MGAT5: variants seen among roughly 807,000 people sequenced by gnomAD.
MGAT5 encodes the protein alpha-1,6-mannosylglycoprotein 6-beta-N-acetylglucosaminyltransferase A.
Under a neutral mutation model 94.3 loss-of-function variants are expected in MGAT5, and 30 were observed. That is an observed-to-expected ratio of 0.32 (90% CI 0.24 to 0.43). MGAT5 has a LOEUF of 0.43. MGAT5 is among the 20% of genes least tolerant of loss of function. The probability of loss-of-function intolerance (pLI) is 1.00; values close to 1 mark genes in which losing one functional copy is unlikely to be tolerated. For synonymous variants in MGAT5, 310 were observed against 322.9 expected (o/e 0.96, Z 0.43); for missense variants, 691 against 905.5 (o/e 0.76, Z 3.04).
At chr2:134,275,197 A>G (rs1161349599) in intron 2 of MGAT5, among the ~76,000 whole-genome samples, 2 of 152,228 alleles carry the variant, frequency 1.3e-5, no homozygotes, top group Non-Finnish European at 2.9e-5. Flanking sequence ...CCCAGATGCT[A>G]CTGAGAGACG....
chr2:134,333,084 G>T (rs1382033230), intron 4 of MGAT5, among the ~76,000 whole-genome samples: 2 of 152,138 alleles, frequency 1.3e-5, no homozygotes, highest in East Asian at 3.9e-4. Context: ...CCCATTACTG[G>T]GTATATAACC....
intron 1 of MGAT5, among the ~76,000 whole-genome samples, chr2:134,262,541 G>A (rs557089101): frequency 6.6e-6 from 1 of 151,126 alleles, no homozygotes; most frequent in Non-Finnish European, 1.5e-5. Flanking sequence ...ACCACACTAG[G>A]CTAATTTAAA....
chr2:134,179,794 G>A (rs1353461774), intron 1 of MGAT5, among the ~76,000 whole-genome samples: 2 of 152,172 alleles, frequency 1.3e-5, no homozygotes, highest in East Asian at 1.9e-4. Flanking sequence ...GAGACCTGCC[G>A]GGCTGCATTT....
chr2:134,291,166 T>C (rs1181449799), intron 2 of MGAT5, among the ~76,000 whole-genome samples: 1 of 152,176 alleles, frequency 6.6e-6, no homozygotes, highest in East Asian at 1.9e-4. Flanking sequence ...TAAATGTTTG[T>C]GTCCTCTCCA....
intron 10 of MGAT5, among the ~76,000 whole-genome samples, chr2:134,393,878 A>G (rs1489289524): frequency 1.7e-5 from 2 of 114,290 alleles, no homozygotes; most frequent in African/African-American, 7.0e-5. Context: ...GCTGCTTTGG[A>G]AGGATCCAGG....
At chr2:134,135,072 A>T (rs1686344022) in intron 1 of MGAT5, among the ~76,000 whole-genome samples, 1 of 152,208 alleles carries the variant, frequency 6.6e-6, no homozygotes, top group Non-Finnish European at 1.5e-5. Context: ...AAGGCATCTA[A>T]TGGCTCCATT....
intron 1 of MGAT5, among the ~76,000 whole-genome samples, chr2:134,158,022 C>T (rs1461216775): frequency 2.0e-5 from 3 of 152,220 alleles, no homozygotes; most frequent in African/African-American, 7.2e-5. Flanking sequence ...CTGGCCGAGT[C>T]TGGCTGAGTC....
chr2:134,153,724 C>T (rs1687338814), intron 1 of MGAT5, among the ~76,000 whole-genome samples: 1 of 152,070 alleles, frequency 6.6e-6, no homozygotes, highest in South Asian at 2.1e-4. Flanking sequence ...GTGATTAAGC[C>T]ACTCACTCAG....
chr2:134,257,836 C>CCTTTTTTTTTTTTTTTTT lies in MGAT5; in HGVS notation c.241+3192_241+3193insCTTTTTTTTTTTTTTTTT, dbSNP rs781189819. ...TGCATAGGCCATTAGTTTGCAGTCTCTTTTTTTTTTTTTTTTTTTGCCATA... is the reference window on the plus strand; with the variant it reads ...TGCATAGGCCATTAGTTTGCAGTCTCCTTTTTTTTTTTTTTTTTTTTTTTTTTTTTTTTTTTTGCCATA... On this transcript the variant is annotated intron_variant, in intron 1 of 15. Transcript: ENST00000281923. Among the ~76,000 whole-genome samples the CCTTTTTTTTTTTTTTTTT allele has an allele frequency of 5.6e-5, 6 of 106,414 alleles. 3 individuals are homozygous for CCTTTTTTTTTTTTTTTTT. The highest frequency in any genetic ancestry group is 7.4e-5 in the Non-Finnish European group (4 of 54,240). 69.8% of individuals were successfully genotyped at this position (106,414 alleles called of 152,430 possible). A position where few individuals can be genotyped will look rare whatever the true frequency, so the allele number is the denominator to read the frequency against.
intron 2 of MGAT5, among the ~76,000 whole-genome samples, chr2:134,306,037 T>C (rs1037370561): frequency 1.3e-5 from 2 of 152,184 alleles, no homozygotes; most frequent in African/African-American, 2.4e-5. Context: ...AACTTTTTTT[T>C]CTGGGAATAT....
chr2:134,193,203 G>A (rs1679316309), intron 1 of MGAT5, among the ~76,000 whole-genome samples: 1 of 150,770 alleles, frequency 6.6e-6, no homozygotes, highest in Non-Finnish European at 1.5e-5. Flanking sequence ...ACTCACTGCA[G>A]CCTTGAATTC....
At chr2:134,441,708 C>A (rs546915924) in intron 14 of MGAT5, 50 bp from the exon 15 acceptor site, 9 of 1,573,260 alleles carry the variant, frequency 5.7e-6, no homozygotes, top group Non-Finnish European at 6.9e-6. Context: ...GGCTGGGGAT[C>A]CCCAGCTGTA....
intron 6 of MGAT5, 141 bp downstream of exon 6, chr2:134,338,561 G>C: frequency 5.5e-6 from 5 of 907,740 alleles, no homozygotes; most frequent in Non-Finnish European, 7.9e-6. Flanking sequence ...TTGTACAGCT[G>C]TTTTTGGGTT....
chr2:134,169,282 G>A (rs1346470273), intron 1 of MGAT5, among the ~76,000 whole-genome samples: 1 of 152,102 alleles, frequency 6.6e-6, no homozygotes, highest in Non-Finnish European at 1.5e-5. Context: ...GCTTATGCCT[G>A]TAATCCCAGC....
At chr2:134,341,008 A>G (rs1005730698) in intron 6 of MGAT5, among the ~76,000 whole-genome samples, 1 of 152,164 alleles carries the variant, frequency 6.6e-6, no homozygotes, top group African/African-American at 2.4e-5. Context: ...TGTTCAAGTT[A>G]TATTTTTCAA....
At chr2:134,361,803 C>T (rs148850968) in intron 9 of MGAT5, among the ~76,000 whole-genome samples, 133 of 152,310 alleles carry the variant, frequency 8.7e-4, no homozygotes, top group African/African-American at 3.1e-3. Context: ...CTTTGTCCCT[C>T]AACCTCCTGT....
At position 134,320,372 on chromosome 2, in the gene MGAT5, A is replaced by AT. The variant is rs5834405; in HGVS notation, c.573+1644dup. Among the ~76,000 whole-genome samples the AT allele has an allele frequency of 9.4e-3, 1,389 of 147,738 alleles. 14 individuals are homozygous for AT. The highest frequency in any genetic ancestry group is 0.032 in the African/African-American group (1,292 of 40,358). On this transcript the variant is annotated intron_variant, in intron 4 of 15. Coordinates refer to ENST00000281923, the MANE Select transcript of MGAT5 (RefSeq NM_002410.5). Reference sequence around the variant, plus strand: ...CTTGAATTTAAATAGCAGCTTTTGTATTTTTTTTTTTAACGGTTGCAGAGA... The same window carrying AT: ...CTTGAATTTAAATAGCAGCTTTTGTATTTTTTTTTTTTAACGGTTGCAGAGA...
intron 10 of MGAT5, among the ~76,000 whole-genome samples, chr2:134,373,410 A>G (rs1680945108): frequency 6.6e-6 from 1 of 152,236 alleles, no homozygotes; most frequent in African/African-American, 2.4e-5. Flanking sequence ...GAAGGGAGAC[A>G]GAACTGTAAT....
At chr2:134,446,437 A>C (rs7604436) in intron 15 of MGAT5, among the ~76,000 whole-genome samples, 5,940 of 151,102 alleles carry the variant, frequency 0.039, 277 homozygotes, top group African/African-American at 0.12. Context: ...TAATTCACCC[A>C]AAAAAAAAGG....
Sources: allele counts gnomAD v4.1 joint callset (sites outside exome capture counted in the v4.1 genomes callset), GRCh38; gene constraint gnomAD v4.1.1; transcripts MANE v1.5; gene names NCBI Gene and HGNC (gene_info 2026-07-23, HGNC 2026-07-21).